DNAH14: variants seen among roughly 807,000 people sequenced by gnomAD.
DNAH14 encodes the protein dynein axonemal heavy chain 14, also known as axonemal beta dynein heavy chain 14.
In DNAH14, 478 loss-of-function variants were observed where a neutral mutation model predicts 520.9. The observed-to-expected ratio is 0.92, with a 90% CI of 0.85 to 0.99. DNAH14 has a LOEUF of 0.99. DNAH14 is among the 50% of genes least tolerant of loss of function. The probability of loss-of-function intolerance (pLI) is 0.00; values close to 1 mark genes in which losing one functional copy is unlikely to be tolerated. For synonymous variants in DNAH14, 1,581 were observed against 1,757.2 expected, an observed-to-expected ratio of 0.90 and a Z score of 2.51; for missense variants, 4,831 against 5,234.5, an observed-to-expected ratio of 0.92 and a Z score of 2.38.
intron 17 of DNAH14, among the ~76,000 whole-genome samples, chr1:225,072,450 A>G (rs2071655182): frequency 6.6e-6 from 1 of 152,064 alleles, no homozygotes; most frequent in South Asian, 2.1e-4. Context: ...TTTTAAGATG[A>G]TTTTTAGCTT....
At chr1:225,218,996 G>A (rs930943283) in intron 41 of DNAH14, among the ~76,000 whole-genome samples, 15 of 152,002 alleles carry the variant, frequency 9.9e-5, no homozygotes, top group Non-Finnish European at 2.2e-4. Context: ...CAGGATTAAC[G>A]AACTCACTCA....
intron 69 of DNAH14, among the ~76,000 whole-genome samples, chr1:225,341,512 C>T (rs2095179772): frequency 6.6e-6 from 1 of 151,984 alleles, no homozygotes; most frequent in Non-Finnish European, 1.5e-5. Context: ...ACTAAAAATA[C>T]AAAATTAGCC....
intron 23 of DNAH14, among the ~76,000 whole-genome samples, chr1:225,112,382 A>G (rs2076551475): frequency 6.6e-6 from 1 of 151,980 alleles, no homozygotes; most frequent in Non-Finnish European, 1.5e-5. Context: ...TCCTCTTGCT[A>G]CTTTTAGGAT....
rs140775645 is a variant in DNAH14 at position 225,263,332 on chromosome 1, C to T, written c.7158-865C>T. The stretch of plus-strand genomic sequence containing the variant: ...CAAAACATAACTCTTGATTTCTCTT[C>T]CAAACCTATCCTTCCTCTAGTGCTT... On this transcript the variant is annotated intron_variant, in intron 46 of 85. Coordinates refer to ENST00000682510, the MANE Select transcript of DNAH14 (RefSeq NM_001367479.1). Among the ~76,000 whole-genome samples the T allele has an allele frequency of 1.3e-3, 198 of 151,202 alleles. 1 individual carries two copies. The highest frequency in any genetic ancestry group is 1.2e-3 in the Non-Finnish European group (80 of 67,850).
intron 41 of DNAH14, among the ~76,000 whole-genome samples, chr1:225,225,273 C>T (rs931694247): frequency 3.3e-5 from 5 of 152,158 alleles, no homozygotes; most frequent in African/African-American, 1.2e-4. Flanking sequence ...AAACACATCC[C>T]TGAATTTGGA....
Position 225,289,992 on chromosome 1 carries a change from A to G in DNAH14, c.8379A>G (p.Glu2793=). 6.5e-7 allele frequency: 1 copy of G among 1,543,752 alleles called. No individual in the cohort carries two copies. The highest frequency in any genetic ancestry group is 8.8e-7 in the Non-Finnish European group (1 of 1,142,734). The change falls in exon 55 of 86, where the codon GAA becomes GAG. Residue 2793 remains glutamate (E), a synonymous_variant. Coordinates refer to ENST00000682510, the MANE Select transcript of DNAH14 (RefSeq NM_001367479.1). ...VPISHKCAYI[E]FKEVFKKVFI... Reference sequence around the variant, plus strand: ...TATCTCACAAATGTGCCTACATCGAATTCAAAGAAGTCTTTAAAAAGGTGT... The same window carrying G: ...TATCTCACAAATGTGCCTACATCGAGTTCAAAGAAGTCTTTAAAAAGGTGT...
intron 35 of DNAH14, among the ~76,000 whole-genome samples, chr1:225,164,592 G>A (rs1208001795): frequency 6.6e-6 from 1 of 152,010 alleles, no homozygotes; most frequent in African/African-American, 2.4e-5. Flanking sequence ...TCACTATGGG[G>A]TAGATCGAGT....
rs545067080 is a variant in DNAH14 at position 225,096,427 on chromosome 1, C to T, written c.3574-691C>T. On this transcript the variant is annotated intron_variant, in intron 21 of 85. Transcript: ENST00000682510. ...TATAAATGAGTTATAAATGGTTCCC[C>T]ATGAGGAACCAGAGAGTTAGGGGAT... Among the ~76,000 whole-genome samples, 8 of 152,210 alleles carry T rather than the reference C, an allele frequency of 5.3e-5. No individual in the cohort carries two copies. In the South Asian group the frequency reaches 1.2e-3, roughly 24 times the overall value.
intron 16 of DNAH14, 131 bp downstream of exon 16, chr1:225,050,507 T>C: frequency 2.1e-6 from 2 of 968,544 alleles, no homozygotes; most frequent in Non-Finnish European, 2.9e-6. Context: ...TTCCAGCTTA[T>C]CTCCCCATTT....
chr1:225,285,458 T>C (rs932251338), intron 54 of DNAH14, among the ~76,000 whole-genome samples: 1 of 152,110 alleles, frequency 6.6e-6, no homozygotes, highest in African/African-American at 2.4e-5. Context: ...CGCAGGAGAA[T>C]TGCTTGAACC....
At chr1:225,012,143 C>G (rs1401132868) in intron 10 of DNAH14, among the ~76,000 whole-genome samples, 1 of 152,074 alleles carries the variant, frequency 6.6e-6, no homozygotes. Flanking sequence ...TAAGGCAGGC[C>G]TGGTGGTGAC....
chr1:225,289,144 AC>A (rs987088101), intron 54 of DNAH14, among the ~76,000 whole-genome samples: 12 of 152,206 alleles, frequency 7.9e-5, no homozygotes, highest in African/African-American at 2.7e-4. Flanking sequence ...CTACTGATAC[AC>A]ATACAACATG....
chr1:224,982,133 C>T (rs146901454), intron 8 of DNAH14, among the ~76,000 whole-genome samples: 28 of 152,206 alleles, frequency 1.8e-4, no homozygotes, highest in East Asian at 1.5e-3. Context: ...TACTTTAGAC[C>T]ACCAGTACCT....
intron 35 of DNAH14, among the ~76,000 whole-genome samples, chr1:225,166,207 C>T (rs1260733604): frequency 6.6e-6 from 1 of 152,120 alleles, no homozygotes; most frequent in East Asian, 1.9e-4. Context: ...TCCACATGCC[C>T]ATCAATGGTT....
chr1:225,307,590 C>A, intron 59 of DNAH14, 21 bp downstream of exon 59: 1 of 1,501,644 alleles, frequency 6.7e-7, no homozygotes, highest in Non-Finnish European at 9.0e-7. Context: ...TTTGAAATCT[C>A]TTTTAAAGAT....
chr1:225,052,936 T>C (rs977501941), intron 17 of DNAH14, among the ~76,000 whole-genome samples: 1 of 152,188 alleles, frequency 6.6e-6, no homozygotes, highest in Non-Finnish European at 1.5e-5. Context: ...TGCTTCTAGC[T>C]AACCACTCTG....
At chr1:224,978,055 T>G (rs2125677443) in intron 8 of DNAH14, among the ~76,000 whole-genome samples, 1 of 152,302 alleles carries the variant, frequency 6.6e-6, no homozygotes, top group South Asian at 2.1e-4. Flanking sequence ...TCTTATACAC[T>G]GTTGGTGGGA....
At chr1:225,072,797 G>A (rs1213683606) in intron 17 of DNAH14, among the ~76,000 whole-genome samples, 1 of 152,130 alleles carries the variant, frequency 6.6e-6, no homozygotes, top group Non-Finnish European at 1.5e-5. Context: ...GTTTCTAGTT[G>A]CCTTGGATTT....
chr1:225,119,169 C>A, intron 25 of DNAH14, 51 bp from the exon 26 acceptor site: 3 of 1,358,372 alleles, frequency 2.2e-6, no homozygotes, highest in Non-Finnish European at 2.0e-6. Context: ...AGGACTGAAA[C>A]ATGAATTAAA....
Sources: gnomAD v4.1 joint callset for allele counts (sites outside exome capture counted in the v4.1 genomes callset) on GRCh38, gnomAD v4.1.1 for gene constraint, MANE v1.5 for transcripts, NCBI Gene and HGNC (gene_info 2026-07-23, HGNC 2026-07-21) for gene names.